The following CERS4 variants were observed in gnomAD, a reference collection of about 807,000 sequenced individuals.
The protein encoded by CERS4 is LAG1 homolog, ceramide synthase 4.
Under a neutral mutation model 51.8 loss-of-function variants are expected in CERS4, and 65 were observed. The ratio of observed to expected loss-of-function variants is 1.26; its 90% CI spans 1.03 to 1.54. The LOEUF (loss-of-function observed/expected upper bound fraction) is 1.54, where lower values mean the gene tolerates loss of function less well. Among genes scored for constraint, CERS4 ranks in the 40% most tolerant of loss-of-function variants. CERS4 has a pLI of 0.00. For missense variants in CERS4, 563 were observed against 500.4 expected (o/e 1.13, Z -1.19); for synonymous variants, 228 against 208.4 (o/e 1.09, Z -0.81).
Position 8,257,076 on chromosome 19 carries a change from A to G in CERS4, c.740A>G (p.Glu247Gly). The change falls in exon 9 of 12, where the codon GAG becomes GGG. Residue 247 changes from glutamate to glycine, a missense_variant and splice_region_variant. Coordinates refer to ENST00000251363, the MANE Select transcript of CERS4 (RefSeq NM_024552.3). ...CACGATTCCTCTGACTACCTGCTGG[A>G]GGTGGGCCCGACCCCTGCCTGACCC... ...LLHDSSDYLL[E>G]ACKMVNYMQY... 1 of 1,595,670 alleles carries G rather than the reference A, an allele frequency of 6.3e-7. No individual in the cohort carries two copies. Among genetic ancestry groups the G allele is most frequent in the Non-Finnish European group, 8.6e-7 (1 of 1,169,306 alleles).
intron 10 of CERS4, among the ~76,000 whole-genome samples, chr19:8,259,373 G>A (rs986674224): frequency 3.9e-5 from 6 of 152,164 alleles, no homozygotes; most frequent in Admixed American, 6.5e-5. Context: ...TGTGTGGCTG[G>A]AGCAGAGTGG....
intron 2 of CERS4, among the ~76,000 whole-genome samples, chr19:8,229,015 T>C (rs1463182468): frequency 6.9e-6 from 1 of 144,664 alleles, no homozygotes; most frequent in East Asian, 2.1e-4. Flanking sequence ...CGGTGAGACT[T>C]CATCTAAAAA....
At chr19:8,225,417 CTTTTTTTT>C (rs35365775) in intron 2 of CERS4, among the ~76,000 whole-genome samples, 1 of 113,886 alleles carries the variant, frequency 8.8e-6, no homozygotes, top group African/African-American at 3.5e-5. Flanking sequence ...TCCAATAATT[CTTTTTTTT>C]TTTTTTTTTT....
chr19:8,222,956 A>T (rs1967625897), intron 2 of CERS4, among the ~76,000 whole-genome samples: 1 of 152,144 alleles, frequency 6.6e-6, no homozygotes, highest in African/African-American at 2.4e-5. Context: ...TCATTTGTGC[A>T]GTCGGTGGAC....
Position 8,251,192 on chromosome 19 carries a change from T to A in CERS4, c.116T>A (p.Leu39Ter), listed in dbSNP as rs753321468. The A allele has an allele frequency of 6.2e-7, 1 of 1,613,422 alleles. No homozygotes were observed. The highest frequency in any genetic ancestry group is 2.2e-5 in the East Asian group (1 of 44,816). Residue 39 changes from leucine to a stop codon, truncating the protein, a stop_gained, in exon 3 of 12, where the codon TTG becomes TAG. Transcript: ENST00000251363. LOFTEE classifies it high-confidence loss of function. ...DGRVYPHPQD[L>*]LAALPLALVL... ...CGTGTCTACCCCCACCCCCAGGACTTGTTGGCAGCCCTGCCCCTGGCGCTG... is the reference window on the plus strand; with the variant it reads ...CGTGTCTACCCCCACCCCCAGGACTAGTTGGCAGCCCTGCCCCTGGCGCTG...
At chr19:8,260,008 G>A (rs2145339512) in intron 10 of CERS4, among the ~76,000 whole-genome samples, 1 of 152,216 alleles carries the variant, frequency 6.6e-6, no homozygotes, top group South Asian at 2.1e-4. Flanking sequence ...TTAGGCAGAA[G>A]TGGCTGTGAG....
intron 2 of CERS4, among the ~76,000 whole-genome samples, chr19:8,246,716 T>TA (rs1335956149): frequency 2.0e-5 from 3 of 151,988 alleles, no homozygotes; most frequent in African/African-American, 7.2e-5. Context: ...AACAAGCAGA[T>TA]AGACTGATGG....
chr19:8,228,948 C>A (rs1427834879), intron 2 of CERS4, among the ~76,000 whole-genome samples: 1 of 151,216 alleles, frequency 6.6e-6, no homozygotes, highest in Non-Finnish European at 1.5e-5. Context: ...CACTTGAACC[C>A]CTGGGGCGGA....
intron 2 of CERS4, among the ~76,000 whole-genome samples, chr19:8,250,157 T>C (rs1969002793): frequency 6.6e-6 from 1 of 151,648 alleles, no homozygotes; most frequent in Non-Finnish European, 1.5e-5. Flanking sequence ...GTATTTTTAG[T>C]AAAGATGGAG....
chr19:8,213,736 C>T (rs563601654), intron 2 of CERS4, among the ~76,000 whole-genome samples: 3 of 152,130 alleles, frequency 2.0e-5, no homozygotes, highest in South Asian at 2.1e-4. Context: ...GAGGCCGAGG[C>T]GGGCAGATCA....
At chr19:8,234,270 C>A (rs552807131) in intron 2 of CERS4, among the ~76,000 whole-genome samples, 2 of 152,300 alleles carry the variant, frequency 1.3e-5, no homozygotes, top group East Asian at 3.9e-4. Flanking sequence ...TGCGCCACTG[C>A]ACTCCAGCCT....
chr19:8,252,037 C>T (rs551559068), intron 3 of CERS4, among the ~76,000 whole-genome samples: 96 of 149,018 alleles, frequency 6.4e-4, no homozygotes, highest in Non-Finnish European at 1.1e-3. Flanking sequence ...GACCAGACTG[C>T]GCAACATGGT....
chr19:8,245,771 C>T lies in CERS4; in HGVS notation c.-1-5305C>T, dbSNP rs1050587637. ...GCCAGGCTGGTCTCAAACTCCTGAT[C>T]GCAAGTGATCCACTCACCTTGGCCT... is the stretch of plus-strand genomic sequence containing the variant. On this transcript the variant is annotated intron_variant, in intron 2 of 11. Coordinates refer to ENST00000251363, the MANE Select transcript of CERS4 (RefSeq NM_024552.3). Among the ~76,000 whole-genome samples, 12 of 151,698 alleles carry T rather than the reference C, an allele frequency of 7.9e-5. No homozygotes were observed. In the East Asian group the frequency reaches 2.3e-3, roughly 30 times the overall value.
chr19:8,248,129 G>A (rs1008162313), intron 2 of CERS4, among the ~76,000 whole-genome samples: 8 of 152,084 alleles, frequency 5.3e-5, no homozygotes, highest in African/African-American at 1.4e-4. Context: ...TTATCTACCC[G>A]GCCCGTTATA....
intron 2 of CERS4, 73 bp from the exon 3 acceptor site, chr19:8,251,003 A>T (rs919045223): frequency 7.3e-6 from 11 of 1,498,452 alleles, no homozygotes; most frequent in Non-Finnish European, 8.9e-6. Context: ...CTGAGGCTCC[A>T]GCCTCTCAGG....
intron 2 of CERS4, among the ~76,000 whole-genome samples, chr19:8,215,416 T>A (rs1599505180): frequency 6.6e-6 from 1 of 150,496 alleles, no homozygotes; most frequent in Non-Finnish European, 1.5e-5. Flanking sequence ...GGGGCGGAGG[T>A]TGCAGTGAGC....
chr19:8,245,111 C>CAAAA (rs74179480), intron 2 of CERS4, among the ~76,000 whole-genome samples: 2 of 21,764 alleles, frequency 9.2e-5, no homozygotes, highest in Non-Finnish European at 1.4e-4. Flanking sequence ...GACTCCATCT[C>CAAAA]AAAAAAAAAA....
At chr19:8,228,121 A>G (rs1967861834) in intron 2 of CERS4, among the ~76,000 whole-genome samples, 1 of 151,960 alleles carries the variant, frequency 6.6e-6, no homozygotes, top group South Asian at 2.1e-4. Flanking sequence ...CGGCCTCCCA[A>G]AGTGCTGAGA....
intron 2 of CERS4, among the ~76,000 whole-genome samples, chr19:8,243,264 T>C (rs1968617265): frequency 6.6e-6 from 1 of 150,574 alleles, no homozygotes. Flanking sequence ...TGGCTTTGGC[T>C]GTGAGAGCTG....
Sources: allele counts gnomAD v4.1 joint callset (sites outside exome capture counted in the v4.1 genomes callset), GRCh38; gene constraint gnomAD v4.1.1; transcripts MANE v1.5; gene names NCBI Gene and HGNC (gene_info 2026-07-23, HGNC 2026-07-21).